WWP1: variants seen among roughly 807,000 people sequenced by gnomAD.
WWP1 encodes NEDD4-like E3 ubiquitin-protein ligase WWP1.
A neutral mutation model predicts 130.6 loss-of-function variants in WWP1; 49 were observed. That is an observed-to-expected ratio of 0.38 (90% CI 0.30 to 0.48). The LOEUF (loss-of-function observed/expected upper bound fraction) is 0.48, where lower values mean the gene tolerates loss of function less well. WWP1 is among the 20% of genes least tolerant of loss of function. The pLI is 0.99. For synonymous variants in WWP1, 332 were observed against 367.8 expected (o/e 0.90, Z 1.11); for missense variants, 809 against 1,100.6 (o/e 0.74, Z 3.75).
At chr8:86,438,779 T>A in intron 17 of WWP1, 106 bp downstream of exon 17, 2 of 944,498 alleles carry the variant, frequency 2.1e-6, no homozygotes, top group Non-Finnish European at 3.0e-6. Context: ...ATTTTTGAAT[T>A]AACAATCCAG....
intron 5 of WWP1, among the ~76,000 whole-genome samples, chr8:86,389,017 G>A (rs998437318): frequency 7.2e-5 from 11 of 152,094 alleles, no homozygotes; most frequent in African/African-American, 1.9e-4. Flanking sequence ...CCTCTGATAT[G>A]CTTTGATAAC....
Position 86,425,330 on chromosome 8 carries a change from C to T in WWP1, c.1157+12C>T. The T allele has an allele frequency of 6.3e-7, 1 of 1,582,586 alleles. No homozygotes were observed. ...CCTTTACCTCCAGGGTAATATAGCA[C>T]TCTTTATGCATTTGTAATTATATTT... On this transcript the variant is annotated intron_variant, in intron 10 of 24. Transcript: ENST00000517970.
intron 5 of WWP1, among the ~76,000 whole-genome samples, chr8:86,382,626 G>A (rs1825045400): frequency 6.6e-6 from 1 of 152,180 alleles, no homozygotes; most frequent in Admixed American, 6.5e-5. Flanking sequence ...TTGAACCCGG[G>A]AGGTGGAGGT....
At chr8:86,377,290 G>T (rs1273424618) in intron 3 of WWP1, among the ~76,000 whole-genome samples, 2 of 150,078 alleles carry the variant, frequency 1.3e-5, no homozygotes. Context: ...TAGATACGGG[G>T]TTTCACCGTG....
At chr8:86,379,198 A>C (rs551433298) in intron 3 of WWP1, among the ~76,000 whole-genome samples, 20 of 152,150 alleles carry the variant, frequency 1.3e-4, no homozygotes, top group Admixed American at 6.6e-5. Context: ...GGCCTTCTAT[A>C]TTAGTCCAGT....
At chr8:86,465,159 A>T (rs1811984756) in intron 24 of WWP1, among the ~76,000 whole-genome samples, 1 of 152,132 alleles carries the variant, frequency 6.6e-6, no homozygotes, top group Non-Finnish European at 1.5e-5. Context: ...TGCTAGGCAA[A>T]ATTGGATTGC....
intron 20 of WWP1, 130 bp from the exon 21 acceptor site, chr8:86,452,429 C>T (rs2130757418): frequency 1.3e-6 from 1 of 750,988 alleles, no homozygotes; most frequent in East Asian, 2.8e-5. Flanking sequence ...TATACACACA[C>T]ATCACATTTA....
At chr8:86,361,359 C>G (rs182029168) in intron 1 of WWP1, among the ~76,000 whole-genome samples, 200 of 152,250 alleles carry the variant, frequency 1.3e-3, no homozygotes, top group African/African-American at 4.6e-3. Flanking sequence ...TCCTCAATAC[C>G]TCTGCTGCTT....
At chr8:86,386,749 T>G (rs974421790) in intron 5 of WWP1, 1 of 152,224 alleles carries the variant, frequency 6.6e-6, no homozygotes, top group African/African-American at 2.4e-5. Flanking sequence ...ATTTTTTCCG[T>G]AGATACTGTC....
intron 1 of WWP1, among the ~76,000 whole-genome samples, chr8:86,354,127 C>T (rs934903414): frequency 6.6e-6 from 1 of 152,130 alleles, no homozygotes; most frequent in Non-Finnish European, 1.5e-5. Context: ...CAGATTAAGC[C>T]CTAGTTTTAT....
At chr8:86,396,833 C>G (rs1336651945) in intron 5 of WWP1, among the ~76,000 whole-genome samples, 1 of 152,036 alleles carries the variant, frequency 6.6e-6, no homozygotes, top group Non-Finnish European at 1.5e-5. Flanking sequence ...CTCCTGGGCT[C>G]AAGTGATGCG....
chr8:86,446,515 T>TGCAATTCTTTTGA (rs35815785), intron 18 of WWP1, among the ~76,000 whole-genome samples: 95,119 of 151,568 alleles, frequency 0.63, 30,702 homozygotes, highest in African/African-American at 0.77. Flanking sequence ...TTGTTTTTGT[T>TGCAATTCTTTTGA]GGACTTAGCC....
intron 1 of WWP1, among the ~76,000 whole-genome samples, chr8:86,353,954 G>T (rs1823105970): frequency 6.6e-6 from 1 of 152,122 alleles, no homozygotes; most frequent in African/African-American, 2.4e-5. Flanking sequence ...ATTTTTCTAG[G>T]TTAAAAATTT....
At chr8:86,392,566 T>C (rs981263708) in intron 5 of WWP1, among the ~76,000 whole-genome samples, 2 of 152,234 alleles carry the variant, frequency 1.3e-5, no homozygotes, top group African/African-American at 4.8e-5. Context: ...TGATTTATAA[T>C]GAATAAATCT....
At chr8:86,466,203 A>T (rs1812111340) in intron 24 of WWP1, among the ~76,000 whole-genome samples, 1 of 152,240 alleles carries the variant, frequency 6.6e-6, no homozygotes, top group African/African-American at 2.4e-5. Flanking sequence ...TTAGTATTTT[A>T]AAATTTTTAT....
At chr8:86,346,689 T>C (rs73688817) in intron 1 of WWP1, among the ~76,000 whole-genome samples, 22,339 of 152,172 alleles carry the variant, frequency 0.15, 1,787 homozygotes, top group Non-Finnish European at 0.19. Flanking sequence ...TTTGATTTCA[T>C]AATTATTAGA....
chr8:86,452,365 G>T lies in WWP1; in HGVS notation c.2274-194G>T, dbSNP rs554786573. On this transcript the variant is annotated intron_variant, in intron 20 of 24. Coordinates refer to ENST00000517970, the MANE Select transcript of WWP1 (RefSeq NM_007013.4). ...CATCCTTTTTAATAGTTAACAATGT[G>T]TTAGAACTGATTTCCTCAAATGTGT... Among the ~76,000 whole-genome samples the T allele has an allele frequency of 3.9e-5, 6 of 151,924 alleles. No individual in the cohort carries two copies. The South Asian group carries it at 1.3e-3, about 32-fold the overall frequency.
intron 22 of WWP1, among the ~76,000 whole-genome samples, chr8:86,459,987 C>CTA (rs1379750624): frequency 6.6e-6 from 1 of 152,216 alleles, no homozygotes; most frequent in Non-Finnish European, 1.5e-5. Context: ...ATTAGCACAG[C>CTA]TATTTTGTCT....
At chr8:86,355,087 C>G (rs1296013410) in intron 1 of WWP1, among the ~76,000 whole-genome samples, 2 of 152,280 alleles carry the variant, frequency 1.3e-5, no homozygotes, top group East Asian at 3.9e-4. Flanking sequence ...CTGTTCTCTG[C>G]ATTACATTAC....
Sources: allele counts gnomAD v4.1 joint callset (sites outside exome capture counted in the v4.1 genomes callset), GRCh38; gene constraint gnomAD v4.1.1; transcripts MANE v1.5; gene names NCBI Gene and HGNC (gene_info 2026-07-23, HGNC 2026-07-21).